The following STXBP4 variants were observed in gnomAD, a reference collection of about 807,000 sequenced individuals.
STXBP4 encodes the protein syntaxin binding protein 4.
Under a neutral mutation model 76.1 loss-of-function variants are expected in STXBP4, and 55 were observed. The observed-to-expected ratio is 0.72, with a 90% CI of 0.58 to 0.91. The LOEUF is 0.91. STXBP4 is among the 40% of genes least tolerant of loss of function. The pLI is 0.00. For synonymous variants in STXBP4, 201 were observed against 220.2 expected (o/e 0.91, Z 0.77); for missense variants, 618 against 636.9 (o/e 0.97, Z 0.32).
At chr17:55,016,891 G>A (rs1043199732) in intron 8 of STXBP4, among the ~76,000 whole-genome samples, 8 of 152,152 alleles carry the variant, frequency 5.3e-5, no homozygotes, top group Admixed American at 1.3e-4. Flanking sequence ...TCACAATGAG[G>A]TTTCCTCTAA....
At chr17:55,039,650 T>G (rs1241761984) in intron 10 of STXBP4, among the ~76,000 whole-genome samples, 2 of 151,840 alleles carry the variant, frequency 1.3e-5, no homozygotes, top group Non-Finnish European at 2.9e-5. Context: ...TAGATCTAGA[T>G]TACTTACCAA....
chr17:55,002,409 G>T (rs547975313), intron 7 of STXBP4, among the ~76,000 whole-genome samples: 8 of 152,114 alleles, frequency 5.3e-5, no homozygotes, highest in Non-Finnish European at 1.0e-4. Context: ...ATACTTAATA[G>T]TATATTGTGA....
At chr17:54,986,758 A>G (rs962191492) in intron 3 of STXBP4, among the ~76,000 whole-genome samples, 2 of 152,216 alleles carry the variant, frequency 1.3e-5, no homozygotes, top group African/African-American at 4.8e-5. Flanking sequence ...TTGATAATAT[A>G]TAGATTAACT....
At chr17:55,063,292 A>G (rs976486548) in intron 12 of STXBP4, among the ~76,000 whole-genome samples, 1 of 152,364 alleles carries the variant, frequency 6.6e-6, no homozygotes, top group Middle Eastern at 3.4e-3. Flanking sequence ...TACCATGTTA[A>G]TGATTCTAAG....
intron 1 of STXBP4, among the ~76,000 whole-genome samples, chr17:54,975,144 A>T (rs1230219665): frequency 6.6e-6 from 1 of 152,016 alleles, no homozygotes; most frequent in Admixed American, 6.5e-5. Flanking sequence ...TCTTGAAATT[A>T]TTTTTTGTTT....
At chr17:54,997,751 ATTTTTTTT>A (rs11291147) in intron 4 of STXBP4, among the ~76,000 whole-genome samples, 1 of 120,678 alleles carries the variant, frequency 8.3e-6, no homozygotes, top group African/African-American at 3.3e-5. Context: ...TGTGCCAGCT[ATTTTTTTT>A]TTTTTTTTTT....
intron 8 of STXBP4, among the ~76,000 whole-genome samples, chr17:55,011,832 T>C (rs943124183): frequency 1.3e-5 from 2 of 152,144 alleles, no homozygotes; most frequent in African/African-American, 2.4e-5. Flanking sequence ...CAGCTAGTCC[T>C]GTCTCTCAGT....
intron 16 of STXBP4, among the ~76,000 whole-genome samples, chr17:55,115,725 C>T (rs185258682): frequency 8.6e-5 from 13 of 151,844 alleles, no homozygotes; most frequent in Admixed American, 3.9e-4. Context: ...AATTCCTCAG[C>T]GAAACTCTTC....
chr17:55,098,925 C>T (rs112754257), intron 16 of STXBP4, among the ~76,000 whole-genome samples: 5 of 152,250 alleles, frequency 3.3e-5, no homozygotes, highest in Non-Finnish European at 5.9e-5. Context: ...GTGCCTGGTA[C>T]CTGGCACATA....
At chr17:55,068,763 C>T (rs2079084272) in intron 12 of STXBP4, among the ~76,000 whole-genome samples, 1 of 151,944 alleles carries the variant, frequency 6.6e-6, no homozygotes. Flanking sequence ...GTGTGATTTT[C>T]CATTATAAAA....
At chr17:55,193,419 C>A in the STXBP4 span, among the ~76,000 whole-genome samples, 2 of 152,098 alleles carry the variant, frequency 1.3e-5, no homozygotes, top group African/African-American at 2.4e-5. Flanking sequence ...TGAGAGAGAA[C>A]AACCTACTAC....
chr17:55,193,182 A>G, the STXBP4 span, among the ~76,000 whole-genome samples: 1 of 152,308 alleles, frequency 6.6e-6, no homozygotes, highest in Admixed American at 6.5e-5. Context: ...GATGAATTCT[A>G]GATTGCTGAG....
chr17:55,205,379 T>A, the STXBP4 span, among the ~76,000 whole-genome samples: 1 of 152,120 alleles, frequency 6.6e-6, no homozygotes, highest in Non-Finnish European at 1.5e-5. Flanking sequence ...ACAATCATAA[T>A]GTTGAAGTAG....
rs968157238 is a variant in STXBP4, at chr17:55,171,223, A to G, written c.*11312A>G. ...GCCTGGTGCAGAACTCTACCACAAAACATCAGGTGTGCCTCTGAATAGTCT... is the reference window on the plus strand; with the variant it reads ...GCCTGGTGCAGAACTCTACCACAAAGCATCAGGTGTGCCTCTGAATAGTCT... On this transcript the variant is annotated 3_prime_UTR_variant, in exon 18 of 18. Transcript: ENST00000376352. 6.6e-6 allele frequency: 1 copy of G among 152,180 alleles called. No individual in the cohort carries two copies. The highest frequency in any genetic ancestry group is 6.5e-5 in the Admixed American group (1 of 15,276). The allele number at this position is 152,180 out of a possible 1,614,324, so 9.4% of individuals were successfully genotyped here. A position where few individuals can be genotyped will look rare whatever the true frequency, so the allele number is the denominator to read the frequency against.
At chr17:55,048,346 G>A (rs2078817842) in intron 12 of STXBP4, among the ~76,000 whole-genome samples, 1 of 151,884 alleles carries the variant, frequency 6.6e-6, no homozygotes, top group African/African-American at 2.4e-5. Context: ...GCACAGAAGA[G>A]AGTGCTCTTG....
At chr17:55,105,062 T>C (rs1371478934) in intron 16 of STXBP4, among the ~76,000 whole-genome samples, 1 of 152,172 alleles carries the variant, frequency 6.6e-6, no homozygotes, top group Non-Finnish European at 1.5e-5. Flanking sequence ...GTTAATCTTC[T>C]CAAAAAAACA....
At chr17:55,024,170 TG>T (rs1231520861) in intron 8 of STXBP4, among the ~76,000 whole-genome samples, 1 of 152,178 alleles carries the variant, frequency 6.6e-6, no homozygotes. Flanking sequence ...GAGAAATAGC[TG>T]GGAACTCTCA....
chr17:55,132,194 GTTATTA>G (rs910083203), intron 16 of STXBP4, among the ~76,000 whole-genome samples: 1 of 152,036 alleles, frequency 6.6e-6, no homozygotes, highest in Non-Finnish European at 1.5e-5. Context: ...TTATCTTATT[GTTATTA>G]TTATTATTTG....
chr17:55,076,643 T>C (rs935451724), intron 13 of STXBP4, among the ~76,000 whole-genome samples: 1 of 152,160 alleles, frequency 6.6e-6, no homozygotes, highest in African/African-American at 2.4e-5. Flanking sequence ...TACTTTAGTG[T>C]GTACTATTTG....
Sources: gnomAD v4.1 joint callset for allele counts (sites outside exome capture counted in the v4.1 genomes callset) on GRCh38, gnomAD v4.1.1 for gene constraint, MANE v1.5 for transcripts, NCBI Gene and HGNC (gene_info 2026-07-23, HGNC 2026-07-21) for gene names.